CDK15: variants seen among roughly 807,000 people sequenced by gnomAD.
CDK15 encodes the protein cyclin-dependent kinase 15.
In CDK15, 62 loss-of-function variants were observed where a neutral mutation model predicts 60.3. That is an observed-to-expected ratio of 1.03 (90% CI 0.84 to 1.27). The LOEUF is 1.27. CDK15 is among the 50% of genes most tolerant of loss of function. The pLI, the probability that CDK15 is intolerant of heterozygous loss-of-function variation, is 0.00. For synonymous variants in CDK15, 194 were observed against 195.7 expected, an observed-to-expected ratio of 0.99 and a Z score of 0.07; for missense variants, 541 against 527.8, an observed-to-expected ratio of 1.03 and a Z score of -0.25.
rs1283764340 is a variant in CDK15, at chr2:201,833,868, G to A, written c.627G>A (p.Leu209=). 2 of 1,613,516 alleles carry A rather than the reference G, an allele frequency of 1.2e-6. No homozygotes were observed. The highest frequency in any genetic ancestry group is 1.7e-6 in the Non-Finnish European group (2 of 1,179,824). The change falls in exon 7 of 14, where the codon TTG becomes TTA. Residue 209 remains leucine, a synonymous_variant. Transcript: ENST00000652192. ...HNVRLFMFQL[L]RGLAYIHHQH... is the part of the protein sequence containing the mutation. ...TCCAGCTTTTCATGTTTCAACTTTT[G>A]CGGGGCCTGGCGTACATCCACCACC... is the stretch of plus-strand genomic sequence containing the variant.
chr2:201,825,312 C>T (rs1458170228), intron 6 of CDK15, among the ~76,000 whole-genome samples: 2 of 86,974 alleles, frequency 2.3e-5, no homozygotes, highest in Non-Finnish European at 4.8e-5. Flanking sequence ...GACTCCAACT[C>T]AAAAAAAAAA....
chr2:201,892,229 C>A (rs1490827552), intron 13 of CDK15, among the ~76,000 whole-genome samples: 1 of 152,124 alleles, frequency 6.6e-6, no homozygotes, highest in Non-Finnish European at 1.5e-5. Context: ...TTCTCTAGAG[C>A]AGAGCTTTTA....
chr2:201,865,889 C>CAAAAA (rs1262940691), intron 10 of CDK15, among the ~76,000 whole-genome samples: 872 of 24,760 alleles, frequency 0.035, 113 homozygotes, highest in African/African-American at 0.11. Context: ...GATTCCATCT[C>CAAAAA]AACAAAAAAA....
chr2:201,823,553 A>T, intron 5 of CDK15, 112 bp from the exon 6 acceptor site: 1 of 977,996 alleles, frequency 1.0e-6, no homozygotes, highest in Non-Finnish European at 1.6e-6. Context: ...CCTTATTCTT[A>T]AAATTCTGTA....
chr2:201,893,583 A>G lies in CDK15; in HGVS notation c.*316A>G, dbSNP rs1699700510. 6.6e-6 allele frequency: 1 copy of G among 152,212 alleles called. No homozygotes were observed. The highest frequency in any genetic ancestry group is 1.5e-5 in the Non-Finnish European group (1 of 68,028). The allele number at this position is 152,212 out of a possible 1,614,324, so 9.4% of individuals were successfully genotyped here. A position where few individuals can be genotyped will look rare whatever the true frequency, so the allele number is the denominator to read the frequency against. ...ACTTCATTCATTTTGGCATTTGTTA[A>G]GAGATTCCTGGGCTAGAAGGTTGAT... On this transcript the variant is annotated 3_prime_UTR_variant, in exon 14 of 14. Transcript: ENST00000652192.
At chr2:201,826,935 G>A (rs573006923) in intron 6 of CDK15, among the ~76,000 whole-genome samples, 2 of 152,304 alleles carry the variant, frequency 1.3e-5, no homozygotes, top group Non-Finnish European at 2.9e-5. Context: ...TTGCAGAGGA[G>A]AAATCCAAGA....
At chr2:201,808,814 C>A (rs562707497) in intron 3 of CDK15, 1 of 152,034 alleles carries the variant, frequency 6.6e-6, no homozygotes, top group African/African-American at 2.4e-5. Context: ...ATAACTACTA[C>A]AAGACTAAAT....
chr2:201,837,497 AGG>A (rs1352287931), intron 8 of CDK15, among the ~76,000 whole-genome samples: 12 of 148,200 alleles, frequency 8.1e-5, no homozygotes, highest in African/African-American at 2.8e-4. Flanking sequence ...GAAGGAAGGA[AGG>A]AAGGAAGGAA....
rs188678815 is a variant in CDK15 at position 201,812,274 on chromosome 2, A to G, written c.369-209A>G. Among the ~76,000 whole-genome samples the G allele has an allele frequency of 1.7e-4, 26 of 152,146 alleles. No homozygotes were observed. In the East Asian group the frequency reaches 4.8e-3, roughly 28 times the overall value. ...TTTTCTATAATGGACATATATATAT[A>G]TATCACTTTAGTAAAGAGGGAAAAT... is the stretch of plus-strand genomic sequence containing the variant. On this transcript the variant is annotated intron_variant, in intron 3 of 13. Coordinates refer to ENST00000652192, the MANE Select transcript of CDK15 (RefSeq NM_001366386.2).
chr2:201,823,812 C>A, intron 6 of CDK15, 85 bp downstream of exon 6: 1 of 1,124,692 alleles, frequency 8.9e-7, no homozygotes. Context: ...AAGCAAAGTC[C>A]TATGATACTA....
chr2:201,829,958 C>T (rs1330658345), intron 6 of CDK15, among the ~76,000 whole-genome samples: 1 of 152,106 alleles, frequency 6.6e-6, no homozygotes, highest in Admixed American at 6.5e-5. Flanking sequence ...CAGGCACCCA[C>T]CACCTCACCT....
At chr2:201,857,553 C>A (rs1698198797) in intron 10 of CDK15, among the ~76,000 whole-genome samples, 1 of 152,108 alleles carries the variant, frequency 6.6e-6, no homozygotes, top group Non-Finnish European at 1.5e-5. Context: ...TTCACCAGTT[C>A]TCTTTGTTAC....
intron 9 of CDK15, 71 bp downstream of exon 9, chr2:201,847,545 G>C (rs1421709539): frequency 1.1e-5 from 15 of 1,306,416 alleles, no homozygotes; most frequent in Non-Finnish European, 1.7e-5. Context: ...TTGCCTTACA[G>C]ACAAATGAAG....
At chr2:201,875,945 C>T (rs1699060831) in intron 11 of CDK15, among the ~76,000 whole-genome samples, 1 of 152,162 alleles carries the variant, frequency 6.6e-6, no homozygotes, top group Admixed American at 6.5e-5. Flanking sequence ...ACTAGAAGGA[C>T]TGATTTATCA....
chr2:201,824,887 A>C, intron 6 of CDK15: 1 of 549,220 alleles, frequency 1.8e-6, no homozygotes, highest in South Asian at 4.7e-5. Context: ...TGATGTAAGC[A>C]GTCTTCATTT....
At chr2:201,811,458 T>C (rs1227847003) in intron 3 of CDK15, among the ~76,000 whole-genome samples, 3 of 152,186 alleles carry the variant, frequency 2.0e-5, no homozygotes, top group Non-Finnish European at 4.4e-5. Context: ...CCTGATGAAA[T>C]GTTAAATCTT....
chr2:201,874,292 A>T (rs962741147), intron 11 of CDK15, among the ~76,000 whole-genome samples: 1 of 152,198 alleles, frequency 6.6e-6, no homozygotes, highest in Non-Finnish European at 1.5e-5. Flanking sequence ...CTCCATCATC[A>T]TGGAAAATTC....
rs532540971 is a variant in CDK15 at position 201,882,557 on chromosome 2, G to A, written c.1198+2390G>A. ...CCTCGGCGGACAAGCATTTCCTGCAGCGACATCTCGAATCCCCGAGGGAGA... is the reference window on the plus strand; with the variant it reads ...CCTCGGCGGACAAGCATTTCCTGCAACGACATCTCGAATCCCCGAGGGAGA... On this transcript the variant is annotated intron_variant, in intron 12 of 13. Transcript: ENST00000652192. This position sits in a 1 kb window ranked among gnomAD's most constrained non-coding sequence, Gnocchi z 4.0. Among the ~76,000 whole-genome samples the A allele has an allele frequency of 7.2e-5, 11 of 152,138 alleles. No homozygotes were observed. The highest frequency in any genetic ancestry group is 1.5e-4 in the Non-Finnish European group (10 of 67,998).
At chr2:201,874,331 A>G (rs926427028) in intron 11 of CDK15, among the ~76,000 whole-genome samples, 4 of 152,200 alleles carry the variant, frequency 2.6e-5, no homozygotes, top group Admixed American at 6.5e-5. Flanking sequence ...GGATTATCAC[A>G]TGGGAAAATT....
Sources: gnomAD v4.1 joint callset for allele counts (sites outside exome capture counted in the v4.1 genomes callset) on GRCh38, gnomAD v4.1.1 for gene constraint, Gnocchi (gnomAD v3.1) non-coding constraint, MANE v1.5 for transcripts, NCBI Gene and HGNC (gene_info 2026-07-23, HGNC 2026-07-21) for gene names.